The following THRB variants were observed in gnomAD, a reference collection of about 807,000 sequenced individuals.
THRB encodes the protein thyroid hormone receptor beta, also known as nuclear receptor subfamily 1 group A member 2.
In THRB, 12 loss-of-function variants were observed where a neutral mutation model predicts 47.8. The ratio of observed to expected loss-of-function variants is 0.25; its 90% CI spans 0.16 to 0.41. The LOEUF is 0.41. Among genes scored for constraint, THRB ranks in the 10% least tolerant of loss-of-function variants. THRB has a pLI of 1.00. For synonymous variants in THRB, 218 were observed against 212.2 expected (o/e 1.03, Z -0.24); for missense variants, 348 against 589.2 (o/e 0.59, Z 4.24).
chr3:24,193,387 A>T (rs1189075244), intron 4 of THRB, among the ~76,000 whole-genome samples: 1 of 152,192 alleles, frequency 6.6e-6, no homozygotes, highest in African/African-American at 2.4e-5. Context: ...TCTCCAGGTG[A>T]TTCTGATACC....
chr3:24,448,950 G>A (rs2072371263), intron 1 of THRB, among the ~76,000 whole-genome samples: 1 of 152,144 alleles, frequency 6.6e-6, no homozygotes, highest in Admixed American at 6.5e-5. Context: ...TTAGAGAATG[G>A]CAAACAAAAC....
intron 3 of THRB, among the ~76,000 whole-genome samples, chr3:24,276,708 G>A (rs2053949977): frequency 6.6e-6 from 1 of 152,180 alleles, no homozygotes; most frequent in South Asian, 2.1e-4. Flanking sequence ...GACTGTAGAA[G>A]GGAGGAGGCA....
At chr3:24,354,466 G>A (rs2063546828) in intron 1 of THRB, among the ~76,000 whole-genome samples, 1 of 152,162 alleles carries the variant, frequency 6.6e-6, no homozygotes, top group South Asian at 2.1e-4. Flanking sequence ...AGCATAATGA[G>A]TGACTAGGAT....
intron 1 of THRB, among the ~76,000 whole-genome samples, chr3:24,482,538 C>CCTCTCT (rs10575358): frequency 0.1 from 13,718 of 130,700 alleles, 851 homozygotes; most frequent in Admixed American, 0.17. Context: ...TTTCTGTCTC[C>CCTCTCT]CTCTCTCTCT....
chr3:24,222,810 A>T (rs935198244), intron 4 of THRB, among the ~76,000 whole-genome samples: 1 of 152,198 alleles, frequency 6.6e-6, no homozygotes, highest in Admixed American at 6.5e-5. Context: ...CAGTAGAGCT[A>T]GCTATTTGGG....
intron 3 of THRB, among the ~76,000 whole-genome samples, chr3:24,284,053 C>A (rs2054944044): frequency 7.2e-6 from 1 of 138,008 alleles, no homozygotes; most frequent in Non-Finnish European, 1.6e-5. Context: ...CTACCAATGA[C>A]TTTCTTCACA....
At chr3:24,252,922 G>A (rs2050812192) in intron 3 of THRB, among the ~76,000 whole-genome samples, 1 of 152,098 alleles carries the variant, frequency 6.6e-6, no homozygotes, top group South Asian at 2.1e-4. Flanking sequence ...CTGCCTATGA[G>A]GAGGGGACCT....
intron 3 of THRB, among the ~76,000 whole-genome samples, chr3:24,249,662 A>G (rs537953644): frequency 6.6e-6 from 1 of 152,314 alleles, no homozygotes; most frequent in African/African-American, 2.4e-5. Flanking sequence ...CACATTCAGG[A>G]GGAATACTTA....
chr3:24,462,205 G>T (rs2073768283), intron 1 of THRB, among the ~76,000 whole-genome samples: 1 of 152,096 alleles, frequency 6.6e-6, no homozygotes, highest in Non-Finnish European at 1.5e-5. Context: ...CCCAAAAAGG[G>T]CCCCAGATGG....
intron 2 of THRB, among the ~76,000 whole-genome samples, chr3:24,309,132 T>C (rs1228667109): frequency 1.3e-5 from 2 of 152,204 alleles, no homozygotes; most frequent in Non-Finnish European, 2.9e-5. Flanking sequence ...CTCCTTGTAC[T>C]TCACATTTTT....
intron 1 of THRB, among the ~76,000 whole-genome samples, chr3:24,467,269 C>T (rs2074230070): frequency 6.6e-6 from 1 of 152,252 alleles, no homozygotes; most frequent in East Asian, 1.9e-4. Context: ...TTGCTACTTC[C>T]ATAGCATCTG....
At chr3:24,277,318 G>T (rs1037163138) in intron 3 of THRB, among the ~76,000 whole-genome samples, 6 of 152,096 alleles carry the variant, frequency 3.9e-5, no homozygotes, top group Non-Finnish European at 8.8e-5. Context: ...CAATACACAG[G>T]ACACTCTCTC....
chr3:24,135,837 AT>A (rs2034563361), intron 8 of THRB, among the ~76,000 whole-genome samples: 1 of 119,486 alleles, frequency 8.4e-6, no homozygotes, highest in Non-Finnish European at 1.7e-5. Context: ...ATATATATAT[AT>A]ATATATATAA....
chr3:24,236,596 C>G (rs995623435), intron 3 of THRB, among the ~76,000 whole-genome samples: 1 of 152,058 alleles, frequency 6.6e-6, no homozygotes, highest in Non-Finnish European at 1.5e-5. Flanking sequence ...AATACAGAGC[C>G]CACCTCCCCA....
At chr3:24,247,994 A>C (rs917527337) in intron 3 of THRB, among the ~76,000 whole-genome samples, 4 of 151,724 alleles carry the variant, frequency 2.6e-5, no homozygotes, top group Non-Finnish European at 5.9e-5. Context: ...GGAATTTTTC[A>C]CATGGCCAAC....
At chr3:24,382,419 A>G (rs1383135491) in intron 1 of THRB, among the ~76,000 whole-genome samples, 1 of 152,164 alleles carries the variant, frequency 6.6e-6, no homozygotes, top group Admixed American at 6.6e-5. Context: ...CATTAAACGA[A>G]TGGATAAAGA....
At chr3:24,154,214 G>T (rs2037453113) in intron 5 of THRB, among the ~76,000 whole-genome samples, 1 of 152,148 alleles carries the variant, frequency 6.6e-6, no homozygotes, top group Non-Finnish European at 1.5e-5. Flanking sequence ...TGAGTTCACT[G>T]CAAGGGTTTC....
chr3:24,426,512 G>A (rs1343033022), intron 1 of THRB, among the ~76,000 whole-genome samples: 1 of 151,930 alleles, frequency 6.6e-6, no homozygotes, highest in Non-Finnish European at 1.5e-5. Context: ...AGCTAGCCAT[G>A]TGAATCGATT....
At chr3:24,279,470 C>A (rs1232263471) in intron 3 of THRB, among the ~76,000 whole-genome samples, 1 of 152,006 alleles carries the variant, frequency 6.6e-6, no homozygotes, top group Non-Finnish European at 1.5e-5. Flanking sequence ...CTGCAAGCTC[C>A]ACCTCCCGGG....
Sources: allele counts gnomAD v4.1 joint callset (sites outside exome capture counted in the v4.1 genomes callset), GRCh38; gene constraint gnomAD v4.1.1; transcripts MANE v1.5; gene names NCBI Gene and HGNC (gene_info 2026-07-23, HGNC 2026-07-21).